CTDSPL2: variants seen among roughly 807,000 people sequenced by gnomAD.
CTDSPL2 encodes the protein CTD small phosphatase-like protein 2.
In CTDSPL2, 5 loss-of-function variants were observed where a neutral mutation model predicts 60.0. That is an observed-to-expected ratio of 0.08 (90% CI 0.04 to 0.18). The LOEUF (loss-of-function observed/expected upper bound fraction) is 0.18, where lower values mean the gene tolerates loss of function less well. Ranked by LOEUF, CTDSPL2 falls within the 10% of genes least tolerant of loss-of-function variation. CTDSPL2 has a pLI of 1.00. For missense variants in CTDSPL2, 370 were observed against 548.8 expected (o/e 0.67, Z 3.26); for synonymous variants, 186 against 189.3 (o/e 0.98, Z 0.14).
chr15:44,447,421 G>A (rs960211971), intron 1 of CTDSPL2, among the ~76,000 whole-genome samples: 3 of 152,028 alleles, frequency 2.0e-5, no homozygotes, highest in Non-Finnish European at 2.9e-5. Context: ...CAATGCAAAC[G>A]TTCAAATAGA....
chr15:44,484,146 A>G, intron 2 of CTDSPL2, 78 bp from the exon 3 acceptor site: 1 of 1,294,362 alleles, frequency 7.7e-7, no homozygotes, highest in Non-Finnish European at 1.1e-6. Flanking sequence ...ATTATACCGT[A>G]TTTTTTCATT....
At chr15:44,430,046 A>G (rs952891041) in intron 1 of CTDSPL2, among the ~76,000 whole-genome samples, 2 of 152,152 alleles carry the variant, frequency 1.3e-5, no homozygotes, top group Non-Finnish European at 2.9e-5. Context: ...CTGTTTTCCC[A>G]CTGTTAAGAA....
chr15:44,504,037 A>G (rs1193103379), intron 8 of CTDSPL2, among the ~76,000 whole-genome samples: 2 of 152,060 alleles, frequency 1.3e-5, no homozygotes, highest in African/African-American at 2.4e-5. Flanking sequence ...GCTTAGGATA[A>G]TTTTCATATC....
At chr15:44,480,270 G>A (rs1426523886) in intron 2 of CTDSPL2, among the ~76,000 whole-genome samples, 1 of 152,262 alleles carries the variant, frequency 6.6e-6, no homozygotes, top group Admixed American at 6.5e-5. Context: ...GCCTGCCGTG[G>A]TTTCCAGTGA....
At chr15:44,459,234 A>C in intron 2 of CTDSPL2, 34 bp downstream of exon 2, 1 of 1,522,870 alleles carries the variant, frequency 6.6e-7, no homozygotes, top group Non-Finnish European at 8.9e-7. Flanking sequence ...CATATCATTA[A>C]AAGTGAAAAT....
chr15:44,457,157 G>A (rs879282945), intron 1 of CTDSPL2, among the ~76,000 whole-genome samples: 12 of 152,172 alleles, frequency 7.9e-5, no homozygotes, highest in African/African-American at 2.9e-4. Context: ...GATTACAGGC[G>A]TGAGCCACTG....
intron 1 of CTDSPL2, among the ~76,000 whole-genome samples, chr15:44,433,953 CAAAAA>C (rs201817237): frequency 2.9e-5 from 3 of 103,716 alleles, no homozygotes; most frequent in African/African-American, 9.9e-5. Context: ...ACTCTCGTCT[CAAAAA>C]AAAAAAAAAT....
intron 8 of CTDSPL2, among the ~76,000 whole-genome samples, chr15:44,512,094 G>GT (rs2081577453): frequency 6.6e-6 from 1 of 151,880 alleles, no homozygotes; most frequent in Non-Finnish European, 1.5e-5. Flanking sequence ...CTATGTGGAA[G>GT]GCTAAGACAG....
chr15:44,483,584 T>C (rs1186100500), intron 2 of CTDSPL2, among the ~76,000 whole-genome samples: 1 of 151,772 alleles, frequency 6.6e-6, no homozygotes, highest in Non-Finnish European at 1.5e-5. Flanking sequence ...ATATAAATAG[T>C]AAAACATAAA....
At chr15:44,511,889 A>G (rs1054240298) in intron 8 of CTDSPL2, among the ~76,000 whole-genome samples, 30 of 151,444 alleles carry the variant, frequency 2.0e-4, no homozygotes, top group Admixed American at 8.6e-4. Context: ...AAAAAAAAAA[A>G]AAAGAAAATC....
intron 3 of CTDSPL2, among the ~76,000 whole-genome samples, chr15:44,485,942 C>T (rs1297564222): frequency 6.6e-6 from 1 of 152,160 alleles, no homozygotes; most frequent in Admixed American, 6.5e-5. Context: ...TTAATTAGAA[C>T]AGTTGATTGA....
chr15:44,494,123 T>C lies in CTDSPL2; in HGVS notation c.692-2257T>C, dbSNP rs187863203. On this transcript the variant is annotated intron_variant, in intron 5 of 12. Transcript: ENST00000260327. ...ATTTTTATATCTGAGACGTTACCTA[T>C]TTGGCTTGTAAGTTACCTTTGTCTT... 1.5e-3 allele frequency among the ~76,000 whole-genome samples: 228 copies of C among 152,326 alleles called. 1 individual carries two copies. Among genetic ancestry groups the C allele is most frequent in the African/African-American group, 5.3e-3 (221 of 41,578 alleles).
intron 2 of CTDSPL2, among the ~76,000 whole-genome samples, chr15:44,479,938 C>T (rs1273970318): frequency 2.0e-5 from 3 of 152,088 alleles, no homozygotes; most frequent in African/African-American, 7.2e-5. Flanking sequence ...TCTCTTTGAA[C>T]AAATTTTGTT....
intron 2 of CTDSPL2, among the ~76,000 whole-genome samples, chr15:44,478,842 C>CGTG (rs748562714): frequency 1.3e-4 from 19 of 151,938 alleles, no homozygotes; most frequent in Non-Finnish European, 1.9e-4. Flanking sequence ...ATTAGCTGGG[C>CGTG]GTGGTGGCAG....
chr15:44,435,268 A>G (rs2079952777), intron 1 of CTDSPL2, among the ~76,000 whole-genome samples: 1 of 151,708 alleles, frequency 6.6e-6, no homozygotes, highest in African/African-American at 2.4e-5. Context: ...AAAAAAAAAA[A>G]AAAAAAAAAG....
chr15:44,444,411 C>G (rs2080159570), intron 1 of CTDSPL2, among the ~76,000 whole-genome samples: 2 of 151,796 alleles, frequency 1.3e-5, no homozygotes, highest in Non-Finnish European at 2.9e-5. Flanking sequence ...GTGGTGCAAT[C>G]TCAGCTCACT....
rs530993376 is a variant in CTDSPL2 at position 44,429,657 on chromosome 15, GGAGTTC to G, written c.-25+1889_-25+1894del. Among the ~76,000 whole-genome samples the G allele has an allele frequency of 5.9e-5, 9 of 152,292 alleles. No homozygotes were observed. In the East Asian group the frequency reaches 1.7e-3, roughly 29 times the overall value. The stretch of plus-strand genomic sequence containing the variant: ...CCAAGGCAGGCGGATCACAAGATCA[GGAGTTC>G]GAGAACAGCCTGGCCAACATAGTGA... On this transcript the variant is annotated intron_variant, in intron 1 of 12. Coordinates refer to ENST00000260327, the MANE Select transcript of CTDSPL2 (RefSeq NM_016396.3).
chr15:44,503,789 GGCTTTCTGAA>G (rs2081415792), intron 8 of CTDSPL2: 1 of 152,222 alleles, frequency 6.6e-6, no homozygotes, highest in Non-Finnish European at 1.5e-5. Context: ...GCCAGTCAGT[GGCTTTCTGAA>G]GATCAGTAAA....
chr15:44,450,589 A>ATTTTT (rs36016079), intron 1 of CTDSPL2, among the ~76,000 whole-genome samples: 15 of 88,692 alleles, frequency 1.7e-4, no homozygotes, highest in African/African-American at 2.4e-4. Context: ...TATATTCTTA[A>ATTTTT]TTTTTTTTTT....
Sources: gnomAD v4.1 joint callset for allele counts (sites outside exome capture counted in the v4.1 genomes callset) on GRCh38, gnomAD v4.1.1 for gene constraint, MANE v1.5 for transcripts, NCBI Gene and HGNC (gene_info 2026-07-23, HGNC 2026-07-21) for gene names.